The following RGS3 variants were observed in gnomAD, a reference collection of about 807,000 sequenced individuals.
RGS3 encodes the protein regulator of G-protein signalling 3.
Under a neutral mutation model 132.6 loss-of-function variants are expected in RGS3, and 80 were observed. The ratio of observed to expected loss-of-function variants is 0.60; its 90% CI spans 0.50 to 0.73. The LOEUF (loss-of-function observed/expected upper bound fraction) is 0.73. Ranked by LOEUF, RGS3 falls within the 30% of genes least tolerant of loss-of-function variation. RGS3 has a pLI of 0.00. For synonymous variants in RGS3, 598 were observed against 620.6 expected (o/e 0.96, Z 0.54); for missense variants, 1,382 against 1,530.8 (o/e 0.90, Z 1.62).
At chr9:113,514,956 T>A (rs931413473) in intron 15 of RGS3, among the ~76,000 whole-genome samples, 1 of 152,158 alleles carries the variant, frequency 6.6e-6, no homozygotes, top group Non-Finnish European at 1.5e-5. Context: ...CTTGTTGCCA[T>A]GTCACAGGGA....
intron 4 of RGS3, among the ~76,000 whole-genome samples, chr9:113,481,372 C>T (rs1830153799): frequency 6.6e-6 from 1 of 152,162 alleles, no homozygotes; most frequent in Non-Finnish European, 1.5e-5. Flanking sequence ...GGTCACCAGA[C>T]CTGGGTCCTG....
Position 113,463,820 on chromosome 9 carries a change from C to T in RGS3, c.415+1619C>T, listed in dbSNP as rs764085055. On this transcript the variant is annotated intron_variant, in intron 3 of 24. Coordinates refer to ENST00000350696, the Ensembl canonical transcript of RGS3. The surrounding 1 kb of genome is among the most constrained non-coding windows in gnomAD (Gnocchi z 4.6). ...GGGACGCCATGGAGCGCTCCCTGCA[C>T]CGCGTCTCCCTCGGGAGCCGGCGTG... 1 of 1,612,604 alleles carries T rather than the reference C, an allele frequency of 6.2e-7. No individual in the cohort carries two copies. Among genetic ancestry groups the T allele is most frequent in the Non-Finnish European group, 8.5e-7 (1 of 1,179,720 alleles).
At chr9:113,517,867 A>G (rs1011886335) in intron 16 of RGS3, among the ~76,000 whole-genome samples, 5 of 152,064 alleles carry the variant, frequency 3.3e-5, no homozygotes, top group South Asian at 4.1e-4. Context: ...GCCCCTAAAG[A>G]CACCCCATTG....
Position 113,507,553 on chromosome 9 carries a change from A to G in RGS3, c.1352A>G (p.Gln451Arg), listed in dbSNP as rs1191991895. Residue 451 changes from glutamine (Q) to arginine (R), a missense_variant, in exon 13 of 25, where the codon CAG (glutamine) becomes CGG (arginine). Gln to Arg is a conservative substitution (Grantham distance 43). Transcript: ENST00000350696. This position sits in a 1 kb window ranked among gnomAD's most constrained non-coding sequence, Gnocchi z 5.0. ...ACCGAGGTGGCCAAGCGCGGGGGCC[A>G]GCACACCCTGCCTGCACTGTCCCGT... The G allele has an allele frequency of 6.3e-7, 1 of 1,587,666 alleles. No individual in the cohort carries two copies. Among genetic ancestry groups the G allele is most frequent in the East Asian group, 2.3e-5 (1 of 44,290 alleles).
At chr9:113,542,812 T>C (rs998010783) in intron 19 of RGS3, among the ~76,000 whole-genome samples, 2 of 152,230 alleles carry the variant, frequency 1.3e-5, no homozygotes, top group African/African-American at 2.4e-5. Context: ...TTCTGTCCCA[T>C]GCTGAGCATT....
chr9:113,594,818 G>A (rs952615302), intron 22 of RGS3, 101 bp from the exon 21 acceptor site: 2 of 1,157,022 alleles, frequency 1.7e-6, no homozygotes, highest in Admixed American at 3.7e-5. Flanking sequence ...CTCAGCTGCA[G>A]ACTGGGCCCA....
chr9:113,568,678 G>T (rs1042456011), intron 19 of RGS3, among the ~76,000 whole-genome samples: 1 of 152,330 alleles, frequency 6.6e-6, no homozygotes, highest in Middle Eastern at 3.4e-3. Flanking sequence ...GTTGTTGTTT[G>T]TGGAGCCAGG....
At chr9:113,581,548 A>G (rs1424632326) in intron 19 of RGS3, 1 of 152,240 alleles carries the variant, frequency 6.6e-6, no homozygotes, top group African/African-American at 2.4e-5. Flanking sequence ...CAACACCACC[A>G]TCTTCTGTAG....
intron 3 of RGS3, among the ~76,000 whole-genome samples, chr9:113,478,150 A>G (rs1017280416): frequency 6.6e-6 from 1 of 151,810 alleles, no homozygotes; most frequent in African/African-American, 2.4e-5. Context: ...TCACCCGGCC[A>G]CTCATTCTTG....
chr9:113,519,776 C>A (rs575732614), intron 16 of RGS3, among the ~76,000 whole-genome samples: 101 of 152,138 alleles, frequency 6.6e-4, no homozygotes, highest in Non-Finnish European at 1.1e-3. Flanking sequence ...GGTTCTTTGT[C>A]CCATCACTTC....
At chr9:113,491,142 AATT>A in intron 7 of RGS3, among the ~76,000 whole-genome samples, 1 of 144,516 alleles carries the variant, frequency 6.9e-6, no homozygotes, top group Non-Finnish European at 1.5e-5. Flanking sequence ...ACTAATATAT[AATT>A]ATTTATATAT....
rs547547242 is a variant in RGS3, at chr9:113,474,739, G to A, written c.416-4752G>A. Among the ~76,000 whole-genome samples the A allele has an allele frequency of 6.6e-5, 10 of 152,252 alleles. No homozygotes were observed. The East Asian group carries it at 1.9e-3, about 29-fold the overall frequency. ...ATGTGACAGTTCTTAAATGGGCAGCGGCTTCTGGGGTGAATTGGATTTTAG... is the reference window on the plus strand; with the variant it reads ...ATGTGACAGTTCTTAAATGGGCAGCAGCTTCTGGGGTGAATTGGATTTTAG... On this transcript the variant is annotated intron_variant, in intron 3 of 24. Coordinates refer to ENST00000350696, the Ensembl canonical transcript of RGS3.
chr9:113,511,458 GGGGT>G (rs1220241191), intron 14 of RGS3, among the ~76,000 whole-genome samples: 2 of 151,946 alleles, frequency 1.3e-5, no homozygotes, highest in Non-Finnish European at 2.9e-5. Flanking sequence ...ATATTATCCA[GGGGT>G]GGGTGGAGAT....
In RGS3 at chr9:113,507,152, C is replaced by T; in HGVS notation, c.1086-135C>T. 1 of 690,422 alleles carries T rather than the reference C, an allele frequency of 1.4e-6. No individual in the cohort carries two copies. The highest frequency in any genetic ancestry group is 2.0e-5 in the South Asian group (1 of 51,234). 42.8% of individuals were successfully genotyped at this position (690,422 alleles called of 1,614,324 possible). ...AAATGGCTTCTTGCATCCCTTCCTG[C>T]CCTGACACTGGGGGCTTCCCCTCTG... is the stretch of plus-strand genomic sequence containing the variant. On this transcript the variant is annotated intron_variant, in intron 12 of 24. Coordinates refer to ENST00000350696, the Ensembl canonical transcript of RGS3. This position sits in a 1 kb window ranked among gnomAD's most constrained non-coding sequence, Gnocchi z 5.0.
chr9:113,546,388 C>T (rs1195356611), intron 19 of RGS3, among the ~76,000 whole-genome samples: 2 of 152,182 alleles, frequency 1.3e-5, no homozygotes, highest in African/African-American at 4.8e-5. Flanking sequence ...ATCTGGATGA[C>T]TGTGAGCTTC....
chr9:113,536,621 G>A lies in RGS3; in HGVS notation c.1915-175G>A, dbSNP rs555834833. ...CTGGCCCTTGAACCCACTTCCCTGC[G>A]CCTCTGGCTGCCTCAATGTCACTGG... On this transcript the variant is annotated intron_variant, in intron 18 of 24. Transcript: ENST00000350696. The A allele has an allele frequency of 4.1e-6, 6 of 1,449,600 alleles. No homozygotes were observed. The South Asian group carries it at 4.1e-5, about 10-fold the overall frequency. 89.8% of individuals were successfully genotyped at this position (1,449,600 alleles called of 1,614,324 possible). A position where few individuals can be genotyped will look rare whatever the true frequency, so the allele number is the denominator to read the frequency against.
chr9:113,497,452 C>T (rs1431346377), intron 9 of RGS3, 48 bp downstream of exon 7: 2 of 1,474,820 alleles, frequency 1.4e-6, no homozygotes, highest in Non-Finnish European at 1.9e-6. Flanking sequence ...CTGCCCCCTC[C>T]CTCCTTTCCT....
chr9:113,541,031 G>A (rs897300101), intron 19 of RGS3, among the ~76,000 whole-genome samples: 1 of 152,156 alleles, frequency 6.6e-6, no homozygotes, highest in Admixed American at 6.5e-5. Flanking sequence ...GCTGGTGCTC[G>A]GAGCACATAT....
intron 19 of RGS3, among the ~76,000 whole-genome samples, chr9:113,576,311 C>T (rs1834520231): frequency 6.6e-6 from 1 of 151,622 alleles, no homozygotes; most frequent in Non-Finnish European, 1.5e-5. Context: ...CTAGATGGTC[C>T]TGTGAAGTTC....
Sources: allele counts gnomAD v4.1 joint callset (sites outside exome capture counted in the v4.1 genomes callset), GRCh38; gene constraint gnomAD v4.1.1; non-coding constraint Gnocchi (gnomAD v3.1); transcripts MANE v1.5; gene names NCBI Gene and HGNC (gene_info 2026-07-23, HGNC 2026-07-21).